The following PLA2G4E variants were observed in gnomAD, a reference collection of about 807,000 sequenced individuals.
The protein encoded by PLA2G4E is phospholipase A2 group IVE.
Under a neutral mutation model 109.1 loss-of-function variants are expected in PLA2G4E, and 84 were observed. The ratio of observed to expected loss-of-function variants is 0.77; its 90% CI spans 0.65 to 0.92. The LOEUF is 0.92. Among genes scored for constraint, PLA2G4E ranks in the 40% least tolerant of loss-of-function variants. PLA2G4E has a pLI of 0.00. For synonymous variants in PLA2G4E, 469 were observed against 436.1 expected, an observed-to-expected ratio of 1.08 and a Z score of -0.94; for missense variants, 1,057 against 1,076.6, an observed-to-expected ratio of 0.98 and a Z score of 0.25.
intron 1 of PLA2G4E, among the ~76,000 whole-genome samples, chr15:42,049,767 G>T (rs1445702113): frequency 6.6e-6 from 1 of 152,148 alleles, no homozygotes; most frequent in African/African-American, 2.4e-5. Context: ...GCTCAGTCTG[G>T]TGCCACCGCT....
intron 1 of PLA2G4E, among the ~76,000 whole-genome samples, chr15:42,049,624 C>T (rs1889473841): frequency 6.6e-6 from 1 of 152,136 alleles, no homozygotes; most frequent in African/African-American, 2.4e-5. Context: ...TCAGGATGGA[C>T]CCTCCAAGCC....
chr15:42,049,874 G>A (rs990590867), intron 1 of PLA2G4E, among the ~76,000 whole-genome samples: 2 of 152,318 alleles, frequency 1.3e-5, no homozygotes, highest in South Asian at 2.1e-4. Flanking sequence ...AGGAGAAACT[G>A]CACGAGGCAG....
In PLA2G4E at chr15:42,013,591, A is replaced by G. The variant is rs1021598970; in HGVS notation, c.256+94T>C. Reference sequence around the variant, plus strand: ...CACGTGCACACGTGCGCGCGCACACACACACACGGATCCACCTGACCATTT... The same window carrying G: ...CACGTGCACACGTGCGCGCGCACACGCACACACGGATCCACCTGACCATTT... On this transcript the variant is annotated intron_variant, in intron 2 of 19. Transcript: ENST00000399518. 10 of 1,252,628 alleles carry G rather than the reference A, an allele frequency of 8.0e-6. No individual in the cohort carries two copies. In the Admixed American group the frequency reaches 1.8e-4, roughly 22 times the overall value. The allele number at this position is 1,252,628 out of a possible 1,614,324, so 77.6% of individuals were successfully genotyped here.
At chr15:42,026,883 G>T (rs1032401115) in intron 1 of PLA2G4E, among the ~76,000 whole-genome samples, 1 of 151,392 alleles carries the variant, frequency 6.6e-6, no homozygotes. Context: ...TGAGGTAAAA[G>T]AACCGCTTGA....
chr15:42,042,107 C>T (rs906279455), intron 1 of PLA2G4E, among the ~76,000 whole-genome samples: 3 of 152,128 alleles, frequency 2.0e-5, no homozygotes, highest in Non-Finnish European at 4.4e-5. Flanking sequence ...ATGGTCATAG[C>T]ATCAGAAATT....
At position 42,013,670 on chromosome 15, in the gene PLA2G4E, G is replaced by T. The variant is rs1312265092; in HGVS notation, c.256+15C>A. 1.3e-6 allele frequency: 2 copies of T among 1,546,448 alleles called. No individual in the cohort carries two copies. The highest frequency in any genetic ancestry group is 1.4e-5 in the African/African-American group (1 of 72,906). On this transcript the variant is annotated intron_variant, in intron 2 of 19. Coordinates refer to ENST00000399518, the Ensembl canonical transcript of PLA2G4E. ...CCGGTAAGCAGAGAAGGAGAGAAGT[G>T]AGGTGGATACTCACGCATATCAGCC...
intron 13 of PLA2G4E, among the ~76,000 whole-genome samples, chr15:41,990,853 C>T (rs2068236205): frequency 6.6e-6 from 1 of 150,876 alleles, no homozygotes; most frequent in South Asian, 2.1e-4. Context: ...GCCCGGGCCA[C>T]AGTCCACCTC....
At chr15:42,020,041 G>A (rs2068633483) in intron 1 of PLA2G4E, among the ~76,000 whole-genome samples, 1 of 151,940 alleles carries the variant, frequency 6.6e-6, no homozygotes, top group South Asian at 2.1e-4. Flanking sequence ...CAAGTGCTGT[G>A]GGGAAACCAG....
chr15:42,003,900 G>C (rs1668569), intron 5 of PLA2G4E, among the ~76,000 whole-genome samples: 94,829 of 151,698 alleles, frequency 0.63, 31,445 homozygotes, highest in Non-Finnish European at 0.76. Flanking sequence ...TCCTTTCCTT[G>C]CTTTCCTTCC....
At chr15:42,001,183 G>T in exon 7 of PLA2G4E, 9 of 1,613,752 alleles carry the variant, frequency 5.6e-6, no homozygotes, top group Non-Finnish European at 7.6e-6. Flanking sequence ...CCGCCTCCTG[G>T]ATTGTGCATG....
intron 2 of PLA2G4E, among the ~76,000 whole-genome samples, chr15:42,010,508 G>A (rs9919986): frequency 0.38 from 58,051 of 152,000 alleles, 11,615 homozygotes; most frequent in South Asian, 0.59. Flanking sequence ...GTTAGGCAAC[G>A]GTGACCTGGT....
At chr15:42,007,990 A>G (rs2068494662) in intron 2 of PLA2G4E, 125 bp from the exon 3 acceptor site, 1 of 1,094,880 alleles carries the variant, frequency 9.1e-7, no homozygotes, top group Non-Finnish European at 1.3e-6. Flanking sequence ...CTCCTCATTC[A>G]TGGGTCTAAC....
At chr15:42,039,762 T>C (rs1168372291) in intron 1 of PLA2G4E, among the ~76,000 whole-genome samples, 1 of 152,112 alleles carries the variant, frequency 6.6e-6, no homozygotes, top group Non-Finnish European at 1.5e-5. Context: ...AGACACTATG[T>C]AGAAAGCTAT....
chr15:41,995,233 G>C, intron 12 of PLA2G4E, 127 bp downstream of exon 12: 1 of 1,255,696 alleles, frequency 8.0e-7, no homozygotes, highest in Non-Finnish European at 1.1e-6. Flanking sequence ...ACTGCATGTG[G>C]GGCACTTCCC....
chr15:41,985,477 T>C (rs968360422), intron 18 of PLA2G4E, among the ~76,000 whole-genome samples: 1 of 151,858 alleles, frequency 6.6e-6, no homozygotes, highest in Non-Finnish European at 1.5e-5. Flanking sequence ...GAAGGGAGAG[T>C]GTGATCATTT....
intron 1 of PLA2G4E, among the ~76,000 whole-genome samples, chr15:42,037,142 G>A (rs556301874): frequency 1.3e-5 from 2 of 152,320 alleles, no homozygotes; most frequent in Admixed American, 6.5e-5. Flanking sequence ...GTGCCCCTTG[G>A]CACCAGCAGC....
chr15:42,030,648 C>G (rs544288449), intron 1 of PLA2G4E, among the ~76,000 whole-genome samples: 3 of 152,162 alleles, frequency 2.0e-5, no homozygotes, highest in Admixed American at 2.0e-4. Flanking sequence ...CTGGCCATCC[C>G]CCATTAAGCT....
At chr15:42,010,080 A>G (rs763850750) in intron 2 of PLA2G4E, 2 of 499,434 alleles carry the variant, frequency 4.0e-6, no homozygotes, top group Non-Finnish European at 4.1e-6. Context: ...GAGACTCACC[A>G]GGAACCTGCT....
chr15:42,028,500 G>T (rs1889060666), intron 1 of PLA2G4E, among the ~76,000 whole-genome samples: 1 of 151,972 alleles, frequency 6.6e-6, no homozygotes, highest in African/African-American at 2.4e-5. Flanking sequence ...TCCACCTCCT[G>T]GCTTCAAGCA....
Sources: gnomAD v4.1 joint callset for allele counts (sites outside exome capture counted in the v4.1 genomes callset) on GRCh38, gnomAD v4.1.1 for gene constraint, MANE v1.5 for transcripts, NCBI Gene and HGNC (gene_info 2026-07-23, HGNC 2026-07-21) for gene names.